Variants in SIPA1L3 observed in about 807,000 individuals in gnomAD.
SIPA1L3 encodes signal induced proliferation associated 1 like 3.
In SIPA1L3, 59 loss-of-function variants were observed where a neutral mutation model predicts 150.1. That is an observed-to-expected ratio of 0.39 (90% confidence interval 0.32 to 0.49). The LOEUF (loss-of-function observed/expected upper bound fraction) is 0.49, where lower values mean the gene tolerates loss of function less well. Ranked by LOEUF, SIPA1L3 falls within the 20% of genes least tolerant of loss-of-function variation. SIPA1L3 has a pLI of 0.86. For synonymous variants in SIPA1L3, 1,070 were observed against 1,077.6 expected, an observed-to-expected ratio of 0.99 and a Z score of 0.14; for missense variants, 2,211 against 2,489.5, an observed-to-expected ratio of 0.89 and a Z score of 2.38.
rs555844097 is a variant in SIPA1L3 at position 38,091,279 on chromosome 19, G to A, written c.1665+2428G>A. On this transcript the variant is annotated intron_variant, in intron 4 of 21. Transcript: ENST00000222345. Reference sequence around the variant, plus strand: ...TGCACACTTGTAGTCTTAGCTGCTCGGGAGGCTGAGGCATGAGAATCTCTT... The same window carrying A: ...TGCACACTTGTAGTCTTAGCTGCTCAGGAGGCTGAGGCATGAGAATCTCTT... Among the ~76,000 whole-genome samples the A allele has an allele frequency of 6.6e-5, 10 of 152,164 alleles. No individual in the cohort carries two copies. In the South Asian group the frequency reaches 1.9e-3, roughly 28 times the overall value.
intron 13 of SIPA1L3, among the ~76,000 whole-genome samples, chr19:38,161,447 G>A (rs565192966): frequency 2.1e-4 from 32 of 151,668 alleles, no homozygotes; most frequent in South Asian, 1.7e-3. Flanking sequence ...AGTTTGGGCC[G>A]GGTGCGGTAG....
chr19:38,182,723 C>T lies in SIPA1L3; in HGVS notation c.4413C>T (p.Pro1471=). ...AGGAGCCCCCACCACGGCCACTCCCCTTCAGTGACCCAAAGAAGTAAGTGC... is the reference window on the plus strand; with the variant it reads ...AGGAGCCCCCACCACGGCCACTCCCTTTCAGTGACCCAAAGAAGTAAGTGC... The part of the protein sequence containing the change: ...RTEEPPPRPL[P]FSDPKKQVDT... The change falls in exon 16 of 22, where the codon CCC becomes CCT. Residue 1471 remains proline (P), a synonymous_variant. Transcript: ENST00000222345. 1 of 1,612,574 alleles carries T rather than the reference C, an allele frequency of 6.2e-7. No homozygotes were observed.
chr19:38,100,838 C>A (rs1011221824), intron 5 of SIPA1L3, among the ~76,000 whole-genome samples: 1 of 152,246 alleles, frequency 6.6e-6, no homozygotes, highest in Non-Finnish European at 1.5e-5. Context: ...GCCTGGATAC[C>A]TCGTTGTGCT....
intron 12 of SIPA1L3, among the ~76,000 whole-genome samples, chr19:38,143,830 C>T (rs1251847726): frequency 6.6e-6 from 1 of 152,038 alleles, no homozygotes; most frequent in Non-Finnish European, 1.5e-5. Flanking sequence ...TGAGCCCGTG[C>T]ACCTGGCCAG....
At chr19:38,120,389 T>G (rs565379768) in intron 9 of SIPA1L3, among the ~76,000 whole-genome samples, 1 of 151,978 alleles carries the variant, frequency 6.6e-6, no homozygotes, top group Admixed American at 6.6e-5. Flanking sequence ...GGAGGATTGT[T>G]TGAGCCCAAG....
rs777133240 is a variant in SIPA1L3, at chr19:38,182,542, A to G, written c.4232A>G (p.Tyr1411Cys). The G allele has an allele frequency of 1.9e-6, 3 of 1,612,140 alleles. No homozygotes were observed. Among genetic ancestry groups the G allele is most frequent in the African/African-American group, 1.3e-5 (1 of 74,774 alleles). The change falls in exon 16 of 22, where the codon TAC (tyrosine) becomes TGC (cysteine). Residue 1411 changes from tyrosine (Y) to cysteine (C), a missense_variant. By Grantham distance (194) the Tyr-to-Cys change is radical (BLOSUM62 -2). Around this residue, in one of 5 missense-constraint regions of SIPA1L3, gnomAD observed 806 missense variants for 870.1 expected, o/e 0.93. Coordinates refer to ENST00000222345, the MANE Select transcript of SIPA1L3 (RefSeq NM_015073.3). The stretch of plus-strand genomic sequence containing the variant: ...AGTGACATGGGCTCGAGGGTTGGCT[A>G]CCCCGCTCAGGTTTACAAAACTGCC... ...QPSDMGSRVG[Y>C]PAQVYKTASA...
intron 16 of SIPA1L3, among the ~76,000 whole-genome samples, chr19:38,190,202 T>TG (rs1416323091): frequency 2.0e-5 from 3 of 152,182 alleles, no homozygotes; most frequent in African/African-American, 7.2e-5. Flanking sequence ...GTGCACTGGC[T>TG]GGGGGGCGTG....
chr19:38,064,435 G>A (rs939223268), intron 2 of SIPA1L3, among the ~76,000 whole-genome samples: 10 of 152,346 alleles, frequency 6.6e-5, no homozygotes, highest in Middle Eastern at 3.4e-3. Flanking sequence ...AGTGGCTCAC[G>A]CCTGTAATCC....
chr19:38,078,511 T>TGCACACACACACAGACGCACACAGACAC (rs1332655779), intron 2 of SIPA1L3, among the ~76,000 whole-genome samples: 2 of 106,074 alleles, frequency 1.9e-5, no homozygotes, highest in African/African-American at 7.8e-5. Flanking sequence ...CACACAGACA[T>TGCACACACACACAGACGCACACAGACAC]GCACACACAC....
chr19:37,935,653 AC>A (rs2046593997), intron 1 of SIPA1L3, among the ~76,000 whole-genome samples: 1 of 152,092 alleles, frequency 6.6e-6, no homozygotes, highest in South Asian at 2.1e-4. Flanking sequence ...CTGAAATGGC[AC>A]CTTGGGAATG....
At chr19:38,110,464 C>CT in intron 8 of SIPA1L3, 80 bp downstream of exon 8, 1 of 1,113,766 alleles carries the variant, frequency 9.0e-7, no homozygotes. Context: ...CAGTACAGGG[C>CT]CCCCCCACAC....
At chr19:38,039,564 C>T (rs558754650) in intron 2 of SIPA1L3, among the ~76,000 whole-genome samples, 8 of 151,826 alleles carry the variant, frequency 5.3e-5, no homozygotes, top group South Asian at 4.2e-4. Context: ...CGTGGTGGCA[C>T]GCGCATGTAA....
At chr19:37,981,706 A>C (rs1172415204) in intron 1 of SIPA1L3, among the ~76,000 whole-genome samples, 1 of 152,024 alleles carries the variant, frequency 6.6e-6, no homozygotes, top group Non-Finnish European at 1.5e-5. Flanking sequence ...TAGCTGTACC[A>C]CCTCACCTTT....
In SIPA1L3 at chr19:38,083,001, C is replaced by T. The variant is rs778839022; in HGVS notation, c.1436C>T (p.Pro479Leu). The T allele has an allele frequency of 6.2e-7, 1 of 1,613,392 alleles. No homozygotes were observed. The highest frequency in any genetic ancestry group is 1.7e-5 in the Admixed American group (1 of 60,028). The change falls in exon 3 of 22, where the codon CCC (proline) becomes CTC (leucine). Residue 479 changes from proline to leucine, a missense_variant. By Grantham distance (98) the Pro-to-Leu change is moderately conservative. Around this residue, in one of 5 missense-constraint regions of SIPA1L3, gnomAD observed 587 missense variants for 534.5 expected, o/e 1.10. Transcript: ENST00000222345. ...GCCAGCATCTCGGTGTTGGAAGTTC[C>T]CAAGGAGCAGCAGCGGACGCAGAGT... ...TNASISVLEV[P>L]KEQQRTQSRP...
At chr19:38,157,380 A>C (rs910618179) in intron 13 of SIPA1L3, among the ~76,000 whole-genome samples, 2 of 152,124 alleles carry the variant, frequency 1.3e-5, no homozygotes, top group African/African-American at 4.8e-5. Flanking sequence ...GTTAGAGAGG[A>C]GGACGATGAG....
At chr19:38,041,383 A>C (rs1287635767) in intron 2 of SIPA1L3, among the ~76,000 whole-genome samples, 1 of 148,264 alleles carries the variant, frequency 6.7e-6, no homozygotes, top group Non-Finnish European at 1.5e-5. Flanking sequence ...GGTTCAAGCG[A>C]TTCTCCTGCC....
At chr19:38,068,612 C>A (rs1414109171) in intron 2 of SIPA1L3, among the ~76,000 whole-genome samples, 1 of 152,012 alleles carries the variant, frequency 6.6e-6, no homozygotes, top group Admixed American at 6.6e-5. Flanking sequence ...GTAACCCCAG[C>A]ATTTTGGGAG....
chr19:37,915,704 A>G (rs2046409425), intron 1 of SIPA1L3, among the ~76,000 whole-genome samples: 2 of 152,188 alleles, frequency 1.3e-5, no homozygotes, highest in Admixed American at 6.5e-5. Flanking sequence ...TAAGCACACT[A>G]GCCATGTGGG....
chr19:38,115,416 C>T (rs1034821600), intron 8 of SIPA1L3, among the ~76,000 whole-genome samples: 1 of 152,202 alleles, frequency 6.6e-6, no homozygotes, highest in African/African-American at 2.4e-5. Flanking sequence ...GATCTTCCTT[C>T]CTGAGCACAG....
Sources: gnomAD v4.1 joint callset for allele counts (sites outside exome capture counted in the v4.1 genomes callset) on GRCh38, gnomAD v4.1.1 for gene constraint, gnomAD v4.1.1 regional missense constraint, MANE v1.5 for transcripts, NCBI Gene and HGNC (gene_info 2026-07-23, HGNC 2026-07-21) for gene names.